Variants in WIF1 observed in about 807,000 individuals in gnomAD.
WIF1 encodes Wnt inhibitory factor 1.
A neutral mutation model predicts 53.5 loss-of-function variants in WIF1; 35 were observed. That is an observed-to-expected ratio of 0.65 (90% confidence interval 0.50 to 0.87). The LOEUF is 0.87. WIF1 is among the 40% of genes least tolerant of loss of function. WIF1 has a pLI of 0.00. For synonymous variants in WIF1, 171 were observed against 170.4 expected (o/e 1.00, Z -0.03); for missense variants, 467 against 476.8 (o/e 0.98, Z 0.19).
chr12:65,115,250 G>A (rs1486826804), intron 2 of WIF1, among the ~76,000 whole-genome samples: 1 of 150,052 alleles, frequency 6.7e-6, no homozygotes, highest in Admixed American at 6.6e-5. Flanking sequence ...TAGTACCTTA[G>A]CATATTTATG....
At chr12:65,053,805 CTTAGAAA>C (rs926823295) in intron 9 of WIF1, among the ~76,000 whole-genome samples, 2 of 151,300 alleles carry the variant, frequency 1.3e-5, no homozygotes, top group African/African-American at 4.9e-5. Flanking sequence ...ATAAGCAAAA[CTTAGAAA>C]TTAGAAAGAC....
chr12:65,113,647 T>C (rs1388400259), intron 2 of WIF1, among the ~76,000 whole-genome samples: 1 of 152,178 alleles, frequency 6.6e-6, no homozygotes, highest in Non-Finnish European at 1.5e-5. Context: ...ACTGCTGTTT[T>C]CTATCAGCAG....
At chr12:65,083,814 T>TTCCTC (rs1565754672) in intron 2 of WIF1, 6 of 320,830 alleles carry the variant, frequency 1.9e-5, no homozygotes, top group African/African-American at 1.1e-4. Context: ...TTCCTTTCCT[T>TTCCTC]TCCTCTCCTC....
At chr12:65,083,943 A>G (rs1882997020) in intron 2 of WIF1, 3 of 272,384 alleles carry the variant, frequency 1.1e-5, no homozygotes, top group Non-Finnish European at 2.1e-5. Flanking sequence ...GGCTCAAGCC[A>G]TCCTCCCATC....
Position 65,121,246 on chromosome 12 carries a change from C to T in WIF1, c.-55G>A, listed in dbSNP as rs552708809. On this transcript the variant is annotated 5_prime_UTR_variant, in exon 1 of 10. Transcript: ENST00000286574. ...AACTCCTCGTGCCGCACCTACGCAA[C>T]CTGGCGCCGTCAGATACTCTGCTGC... 4.3e-6 allele frequency: 6 copies of T among 1,384,166 alleles called. No homozygotes were observed. In the South Asian group the frequency reaches 8.1e-5, roughly 19 times the overall value. The allele number at this position is 1,384,166 out of a possible 1,614,324, so 85.7% of individuals were successfully genotyped here.
chr12:65,077,178 A>G (rs549050063), intron 3 of WIF1, among the ~76,000 whole-genome samples: 2 of 152,240 alleles, frequency 1.3e-5, no homozygotes, highest in Non-Finnish European at 2.9e-5. Context: ...TTCAAATTAG[A>G]TAACGCAAGA....
At chr12:65,077,519 G>A (rs377506692) in intron 3 of WIF1, among the ~76,000 whole-genome samples, 3 of 151,828 alleles carry the variant, frequency 2.0e-5, no homozygotes, top group East Asian at 1.9e-4. Flanking sequence ...ACTTAGTGTG[G>A]GCTGGGCTGG....
At chr12:65,057,371 A>G (rs1882545348) in intron 7 of WIF1, among the ~76,000 whole-genome samples, 1 of 152,188 alleles carries the variant, frequency 6.6e-6, no homozygotes. Flanking sequence ...GAATCACAGA[A>G]TTTTAGAGCT....
At chr12:65,075,433 A>G (rs1882846941) in intron 3 of WIF1, among the ~76,000 whole-genome samples, 1 of 152,206 alleles carries the variant, frequency 6.6e-6, no homozygotes, top group Non-Finnish European at 1.5e-5. Flanking sequence ...ATTTTTTTTA[A>G]AAAGAGAGAG....
chr12:65,110,381 C>T (rs1179566073), intron 2 of WIF1, among the ~76,000 whole-genome samples: 1 of 152,166 alleles, frequency 6.6e-6, no homozygotes, highest in African/African-American at 2.4e-5. Flanking sequence ...CTGTGCCTTC[C>T]TCCCATCTCA....
chr12:65,063,603 C>T (rs547114669), intron 6 of WIF1, among the ~76,000 whole-genome samples: 21 of 151,790 alleles, frequency 1.4e-4, no homozygotes, highest in African/African-American at 4.1e-4. Context: ...AAATGTTCTA[C>T]GAGTATCATG....
intron 2 of WIF1, among the ~76,000 whole-genome samples, chr12:65,101,792 G>A (rs976319329): frequency 6.6e-6 from 1 of 152,150 alleles, no homozygotes; most frequent in African/African-American, 2.4e-5. Context: ...TGGGAGCTGG[G>A]CTGGGAGACA....
intron 2 of WIF1, among the ~76,000 whole-genome samples, chr12:65,116,314 C>T (rs908946746): frequency 1.3e-5 from 2 of 152,126 alleles, no homozygotes; most frequent in Non-Finnish European, 2.9e-5. Flanking sequence ...CGCATTACCG[C>T]CTGAGCTCTG....
At chr12:65,056,618 T>G (rs571510694) in intron 7 of WIF1, among the ~76,000 whole-genome samples, 2 of 152,152 alleles carry the variant, frequency 1.3e-5, no homozygotes, top group East Asian at 1.9e-4. Flanking sequence ...TAAATTACCC[T>G]TTAAATAATC....
chr12:65,051,838 C>T (rs1882446466), intron 9 of WIF1, among the ~76,000 whole-genome samples: 1 of 152,208 alleles, frequency 6.6e-6, no homozygotes, highest in East Asian at 1.9e-4. Flanking sequence ...TTTCACTGCA[C>T]TGCAAACCTA....
intron 2 of WIF1, among the ~76,000 whole-genome samples, chr12:65,101,009 T>G (rs1333182112): frequency 6.6e-6 from 1 of 152,200 alleles, no homozygotes; most frequent in East Asian, 1.9e-4. Flanking sequence ...GTGAGTTAAC[T>G]ATATATGAAT....
chr12:65,066,772 G>T, intron 5 of WIF1, 36 bp from the exon 6 acceptor site: 2 of 1,506,574 alleles, frequency 1.3e-6, no homozygotes, highest in South Asian at 2.5e-5. Context: ...AAGGCCAAAT[G>T]GTATTTTGGA....
At chr12:65,062,385 C>T (rs376848819) in intron 7 of WIF1, 96 bp downstream of exon 7, 77 of 1,050,978 alleles carry the variant, frequency 7.3e-5, no homozygotes, top group African/African-American at 3.2e-4. Context: ...TATTCATTCT[C>T]TCTGGGCTTC....
chr12:65,078,032 A>G (rs1362947755), intron 2 of WIF1, among the ~76,000 whole-genome samples, 178 bp from the exon 3 acceptor site: 1 of 151,950 alleles, frequency 6.6e-6, no homozygotes, highest in Non-Finnish European at 1.5e-5. Context: ...CTCTGGAGAG[A>G]AGTGATCCCT....
Sources: allele counts gnomAD v4.1 joint callset (sites outside exome capture counted in the v4.1 genomes callset), GRCh38; gene constraint gnomAD v4.1.1; transcripts MANE v1.5; gene names NCBI Gene and HGNC (gene_info 2026-07-23, HGNC 2026-07-21).